The following SNW1 variants were observed in gnomAD, a reference collection of about 807,000 sequenced individuals.
SNW1 encodes the protein SNW domain-containing protein 1.
Under a neutral mutation model 75.6 loss-of-function variants are expected in SNW1, and 9 were observed. The observed-to-expected ratio is 0.12, with a 90% CI of 0.07 to 0.21. SNW1 has a LOEUF of 0.21. Ranked by LOEUF, SNW1 falls within the 10% of genes least tolerant of loss-of-function variation. SNW1 has a pLI of 1.00. For synonymous variants in SNW1, 200 were observed against 219.1 expected (o/e 0.91, Z 0.77); for missense variants, 409 against 670.9 (o/e 0.61, Z 4.31).
At chr14:77,740,042 G>A (rs1241773038) in intron 3 of SNW1, among the ~76,000 whole-genome samples, 1 of 150,720 alleles carries the variant, frequency 6.6e-6, no homozygotes, top group Non-Finnish European at 1.5e-5. Flanking sequence ...GCTGAGGCAG[G>A]AGAATGGCTT....
At chr14:77,720,631 TGTAAA>T in intron 12 of SNW1, 75 bp downstream of exon 12, 1 of 933,112 alleles carries the variant, frequency 1.1e-6, no homozygotes, top group Non-Finnish European at 1.8e-6. Context: ...TACATCCAAA[TGTAAA>T]GTATGTTAAT....
chr14:77,735,995 T>G lies in SNW1; in HGVS notation c.650A>C (p.Lys217Thr). The change falls in exon 7 of 14, where the codon AAA becomes ACA. Residue 217 changes from lysine to threonine, a missense_variant. Lys to Thr is a moderately conservative substitution (Grantham distance 78). Around this residue, in one of 9 missense-constraint regions of SNW1, gnomAD observed 70 missense variants for 136.7 expected, o/e 0.51. Transcript: ENST00000261531. Reference sequence around the variant, plus strand: ...AGGAGAAGGTGGTCCCCGGGGAATTTTCTTATTAATCCTGAAGTATAAAAA... The same window carrying G: ...AGGAGAAGGTGGTCCCCGGGGAATTGTCTTATTAATCCTGAAGTATAAAAA... Reference protein sequence around the residue: ...MEPPRFKINKKIPRGPPSPPA... With the variant: ...MEPPRFKINKTIPRGPPSPPA... 6.2e-7 allele frequency: 1 copy of G among 1,613,264 alleles called. No homozygotes were observed. The highest frequency in any genetic ancestry group is 8.5e-7 in the Non-Finnish European group (1 of 1,179,336).
At chr14:77,725,936 G>A (rs1423230700) in intron 10 of SNW1, among the ~76,000 whole-genome samples, 3 of 152,100 alleles carry the variant, frequency 2.0e-5, no homozygotes, top group African/African-American at 7.2e-5. Flanking sequence ...AAAATTCCAT[G>A]CATTTATAGC....
chr14:77,746,905 C>CCCCCT (rs1449492204), intron 3 of SNW1, among the ~76,000 whole-genome samples: 1 of 144,964 alleles, frequency 6.9e-6, no homozygotes, highest in African/African-American at 2.8e-5. Context: ...CCCTCCCCCT[C>CCCCCT]CCCCCTTCTG....
At chr14:77,722,727 T>TA in intron 11 of SNW1, 1 of 363,322 alleles carries the variant, frequency 2.8e-6, no homozygotes, top group Non-Finnish European at 5.4e-6. Context: ...AGTGCTAATT[T>TA]ATTAAGTTAT....
chr14:77,727,326 T>C (rs2080593809), intron 10 of SNW1, among the ~76,000 whole-genome samples: 1 of 152,202 alleles, frequency 6.6e-6, no homozygotes, highest in African/African-American at 2.4e-5. Context: ...GTGCTGGGAT[T>C]ACAGGTGTGA....
Position 77,760,793 on chromosome 14 carries a change from C to T in SNW1, c.14+321G>A, listed in dbSNP as rs1244867756. 4 of 707,566 alleles carry T rather than the reference C, an allele frequency of 5.7e-6. No homozygotes were observed. The South Asian group carries it at 5.9e-5, about 10-fold the overall frequency. The allele number at this position is 707,566 out of a possible 1,614,324, so 43.8% of individuals were successfully genotyped here. A position where few individuals can be genotyped will look rare whatever the true frequency, so the allele number is the denominator to read the frequency against. ...CTACCGTCACCAACCCCATCTCGTTCGCCCGAGCCGCGGACCTGAGGGAGC... is the reference window on the plus strand; with the variant it reads ...CTACCGTCACCAACCCCATCTCGTTTGCCCGAGCCGCGGACCTGAGGGAGC... On this transcript the variant is annotated intron_variant, in intron 1 of 13. Coordinates refer to ENST00000261531, the MANE Select transcript of SNW1 (RefSeq NM_012245.3).
At chr14:77,733,817 A>T (rs1371391721) in intron 8 of SNW1, 2 of 195,106 alleles carry the variant, frequency 1.0e-5, no homozygotes, top group African/African-American at 4.8e-5. Flanking sequence ...GAATTTCTAC[A>T]TTCTAAAACT....
chr14:77,722,814 C>T lies in SNW1; in HGVS notation c.1130+367G>A, dbSNP rs775703937. The T allele has an allele frequency of 4.3e-5, 18 of 415,958 alleles. 2 individuals are homozygous for T. Among genetic ancestry groups the T allele is most frequent in the South Asian group, 3.2e-4 (18 of 55,438 alleles). The allele number at this position is 415,958 out of a possible 1,614,324, so 25.8% of individuals were successfully genotyped here. ...CTCTGCTCTAAAAGGTACAAAAAGG[C>T]CACTCTTCATGATTGGTACATATCT... is the stretch of plus-strand genomic sequence containing the variant. On this transcript the variant is annotated intron_variant, in intron 11 of 13. Coordinates refer to ENST00000261531, the MANE Select transcript of SNW1 (RefSeq NM_012245.3).
Position 77,720,760 on chromosome 14 carries a change from C to G in SNW1, c.1199G>C (p.Arg400Pro). Residue 400 changes from arginine to proline, a missense_variant, in exon 12 of 14, where the codon CGG becomes CCG. Arg to Pro is a moderately radical substitution (Grantham distance 103). Transcript: ENST00000261531. ...GTCATACTGAACTTCATTGGAAGTC[C>G]GAGGATTAGGAACACCGAGAGCAAT... The part of the protein sequence containing the change: ...EVIALGVPNP[R>P]TSNEVQYDQR... 1 of 1,613,336 alleles carries G rather than the reference C, an allele frequency of 6.2e-7. No individual in the cohort carries two copies. The highest frequency in any genetic ancestry group is 8.5e-7 in the Non-Finnish European group (1 of 1,179,762).
At chr14:77,747,418 G>A (rs1258023178) in intron 3 of SNW1, among the ~76,000 whole-genome samples, 1 of 147,886 alleles carries the variant, frequency 6.8e-6, no homozygotes, top group Non-Finnish European at 1.5e-5. Flanking sequence ...CGGCCGCCCA[G>A]TCTGGGAAGT....
intron 10 of SNW1, among the ~76,000 whole-genome samples, chr14:77,728,536 T>C (rs924538963): frequency 2.0e-5 from 3 of 152,216 alleles, no homozygotes; most frequent in African/African-American, 4.8e-5. Context: ...AAAGATTCTA[T>C]TGAATAAAGA....
chr14:77,760,595 G>A (rs1265134532), intron 1 of SNW1: 5 of 692,258 alleles, frequency 7.2e-6, no homozygotes, highest in Non-Finnish European at 1.3e-5. Flanking sequence ...ATCAGCAGAC[G>A]GCGGTCACTA....
At chr14:77,741,955 G>T (rs1410044144) in intron 3 of SNW1, among the ~76,000 whole-genome samples, 3 of 152,156 alleles carry the variant, frequency 2.0e-5, no homozygotes, top group Non-Finnish European at 4.4e-5. Context: ...GCATCAATAA[G>T]ATTCTAGTAT....
chr14:77,749,640 G>A (rs1187706051), intron 3 of SNW1, among the ~76,000 whole-genome samples: 11 of 152,130 alleles, frequency 7.2e-5, no homozygotes, highest in Admixed American at 5.9e-4. Flanking sequence ...GGTGGCAGGC[G>A]CCTGTAGTCC....
chr14:77,722,597 C>T (rs188015263), intron 11 of SNW1: 2 of 403,096 alleles, frequency 5.0e-6, no homozygotes, highest in East Asian at 7.1e-5. Flanking sequence ...TTTCAAAAAT[C>T]TGATCTCGAT....
chr14:77,759,677 T>C (rs2080870461), intron 1 of SNW1, among the ~76,000 whole-genome samples: 1 of 152,064 alleles, frequency 6.6e-6, no homozygotes, highest in Non-Finnish European at 1.5e-5. Context: ...CCTGTAACAT[T>C]TACTAAACAA....
At chr14:77,747,072 A>G (rs1260580193) in intron 3 of SNW1, among the ~76,000 whole-genome samples, 1 of 151,938 alleles carries the variant, frequency 6.6e-6, no homozygotes, top group Non-Finnish European at 1.5e-5. Context: ...GCGCGCCGCC[A>G]CGCCTGACTG....
chr14:77,747,269 A>G (rs2080768027), intron 3 of SNW1, among the ~76,000 whole-genome samples: 1 of 151,584 alleles, frequency 6.6e-6, no homozygotes, highest in Non-Finnish European at 1.5e-5. Context: ...GCTCGCTACA[A>G]CCTCCACCTC....
Sources: allele counts gnomAD v4.1 joint callset (sites outside exome capture counted in the v4.1 genomes callset), GRCh38; gene constraint gnomAD v4.1.1; regional missense constraint gnomAD v4.1.1; transcripts MANE v1.5; gene names NCBI Gene and HGNC (gene_info 2026-07-23, HGNC 2026-07-21).